The following WDR89 variants were observed in gnomAD, a reference collection of about 807,000 sequenced individuals.
The protein encoded by WDR89 is WD repeat domain 89.
In WDR89, 17 loss-of-function variants were observed where a neutral mutation model predicts 29.1. The observed-to-expected ratio is 0.58, with a 90% CI of 0.40 to 0.88. The LOEUF (loss-of-function observed/expected upper bound fraction) is 0.88, where lower values mean the gene tolerates loss of function less well. Ranked by LOEUF, WDR89 falls within the 40% of genes least tolerant of loss-of-function variation. WDR89 has a pLI of 0.00. For synonymous variants in WDR89, 138 were observed against 157.8 expected, an observed-to-expected ratio of 0.87 and a Z score of 0.94; for missense variants, 396 against 456.3, an observed-to-expected ratio of 0.87 and a Z score of 1.20.
intron 2 of WDR89, among the ~76,000 whole-genome samples, chr14:63,624,416 G>C (rs1278007515): frequency 2.0e-5 from 3 of 148,746 alleles, no homozygotes; most frequent in African/African-American, 7.4e-5. Flanking sequence ...GTAGTGAGCC[G>C]AGATTGCATC....
chr14:63,633,437 G>T (rs952904729), intron 1 of WDR89, among the ~76,000 whole-genome samples: 1 of 151,972 alleles, frequency 6.6e-6, no homozygotes, highest in African/African-American at 2.4e-5. Flanking sequence ...CCTGACACTG[G>T]ATAGTTTATA....
chr14:63,609,346 A>C (rs941663910), intron 2 of WDR89, among the ~76,000 whole-genome samples: 3 of 152,198 alleles, frequency 2.0e-5, no homozygotes, highest in African/African-American at 7.2e-5. Context: ...AGTTACTTTT[A>C]TATTAACTAT....
intron 2 of WDR89, chr14:63,601,949 ATTC>A (rs1316691236): frequency 4.8e-6 from 2 of 415,950 alleles, no homozygotes; most frequent in Non-Finnish European, 8.6e-6. Context: ...AATAAAATAA[ATTC>A]TTCTATTGTG....
At chr14:63,629,773 T>G (rs1883281827) in intron 1 of WDR89, among the ~76,000 whole-genome samples, 1 of 152,186 alleles carries the variant, frequency 6.6e-6, no homozygotes, top group Non-Finnish European at 1.5e-5. Context: ...TTTATTTTTT[T>G]TATTTCTTCT....
chr14:63,619,839 T>C (rs937767154), intron 2 of WDR89, among the ~76,000 whole-genome samples: 1 of 151,918 alleles, frequency 6.6e-6, no homozygotes, highest in Non-Finnish European at 1.5e-5. Context: ...ACCCCATCTC[T>C]AGTGAAAATA....
chr14:63,623,307 A>G (rs1438614474), intron 2 of WDR89, among the ~76,000 whole-genome samples: 1 of 152,054 alleles, frequency 6.6e-6, no homozygotes, highest in Admixed American at 6.6e-5. Context: ...CCAATCATAG[A>G]GAAAAAGTAC....
intron 1 of WDR89, among the ~76,000 whole-genome samples, chr14:63,633,304 A>G (rs766158617): frequency 1.2e-4 from 19 of 152,054 alleles, no homozygotes; most frequent in Admixed American, 3.3e-4. Context: ...CACAATACAA[A>G]TGTTCCCCTA....
intron 2 of WDR89, among the ~76,000 whole-genome samples, chr14:63,608,377 T>TA (rs760796777): frequency 2.0e-4 from 30 of 151,566 alleles, no homozygotes; most frequent in Non-Finnish European, 4.0e-4. Context: ...AGTCTCTTTC[T>TA]CAAAAAAAAT....
intron 1 of WDR89, among the ~76,000 whole-genome samples, chr14:63,633,246 T>C (rs1245665957): frequency 6.6e-6 from 1 of 152,074 alleles, no homozygotes; most frequent in Non-Finnish European, 1.5e-5. Context: ...TGTAAGTATA[T>C]ATATATATTT....
intron 2 of WDR89, among the ~76,000 whole-genome samples, chr14:63,622,609 AAAC>A (rs1341472668): frequency 6.6e-6 from 1 of 151,836 alleles, no homozygotes; most frequent in East Asian, 1.9e-4. Context: ...ACAAACAAAA[AAAC>A]CAAAAGTAGC....
chr14:63,622,380 G>A (rs372522499), intron 2 of WDR89, among the ~76,000 whole-genome samples: 1 of 152,184 alleles, frequency 6.6e-6, no homozygotes, highest in Non-Finnish European at 1.5e-5. Context: ...AGGAGTTCGA[G>A]ACCAGCCAGG....
intron 1 of WDR89, among the ~76,000 whole-genome samples, chr14:63,627,148 ACACTCTCTCTCT>A (rs1287874861): frequency 3.9e-5 from 5 of 128,294 alleles, no homozygotes; most frequent in African/African-American, 1.5e-4. Flanking sequence ...ACACACACAC[ACACTCTCTCTCT>A]CTCTCTCTCT....
At chr14:63,610,219 TAAAAAAAAAAAA>T (rs56984803) in intron 2 of WDR89, among the ~76,000 whole-genome samples, 1 of 65,326 alleles carries the variant, frequency 1.5e-5, no homozygotes, top group African/African-American at 7.2e-5. Context: ...GACTCTGTCT[TAAAAAAAAAAAA>T]AAAAAAAAAA....
intron 1 of WDR89, among the ~76,000 whole-genome samples, chr14:63,627,406 AAAC>A (rs1314933432): frequency 1.3e-5 from 2 of 152,180 alleles, no homozygotes; most frequent in East Asian, 1.9e-4. Flanking sequence ...TTGCCACATA[AAAC>A]AACATTAAGT....
At chr14:63,611,132 T>C (rs1299192982) in intron 2 of WDR89, among the ~76,000 whole-genome samples, 3 of 149,890 alleles carry the variant, frequency 2.0e-5, no homozygotes, top group Non-Finnish European at 3.0e-5. Flanking sequence ...AGGCCAAGAG[T>C]TTGAGACCAG....
At chr14:63,601,599 A>G (rs762469107) in intron 2 of WDR89, 18 of 1,612,926 alleles carry the variant, frequency 1.1e-5, no homozygotes, top group Non-Finnish European at 1.4e-5. Flanking sequence ...AGGAGGCATT[A>G]TGCTTCCAGA....
At chr14:63,601,941 T>G in intron 2 of WDR89, 2 of 425,724 alleles carry the variant, frequency 4.7e-6, no homozygotes, top group Non-Finnish European at 8.4e-6. Flanking sequence ...ATGAAAAAAA[T>G]AAAATAAATT....
At chr14:63,609,859 A>G (rs1881841666) in intron 2 of WDR89, among the ~76,000 whole-genome samples, 1 of 152,148 alleles carries the variant, frequency 6.6e-6, no homozygotes, top group South Asian at 2.1e-4. Context: ...ATATGTTTCA[A>G]AAAATGACTG....
chr14:63,638,175 C>CCT (rs1883864239), intron 1 of WDR89, among the ~76,000 whole-genome samples: 1 of 152,106 alleles, frequency 6.6e-6, no homozygotes, highest in African/African-American at 2.4e-5. Context: ...AAACTCCTGA[C>CCT]CTCAGGTAAT....
Sources: gnomAD v4.1 joint callset for allele counts (sites outside exome capture counted in the v4.1 genomes callset) on GRCh38, gnomAD v4.1.1 for gene constraint, MANE v1.5 for transcripts, NCBI Gene and HGNC (gene_info 2026-07-23, HGNC 2026-07-21) for gene names.